Variants in PCDH15 observed in about 807,000 individuals in gnomAD.
PCDH15 encodes the protein protocadherin related 15.
A neutral mutation model predicts 178.5 loss-of-function variants in PCDH15; 129 were observed. The observed-to-expected ratio is 0.72, with a 90% CI of 0.63 to 0.84. PCDH15 has a LOEUF of 0.84. Ranked by LOEUF, PCDH15 falls within the 40% of genes least tolerant of loss-of-function variation. The pLI, the probability that PCDH15 is intolerant of heterozygous loss-of-function variation, is 0.00. For missense variants in PCDH15, 2,230 were observed against 2,099.9 expected, an observed-to-expected ratio of 1.06 and a Z score of -1.21; for synonymous variants, 800 against 732.0, an observed-to-expected ratio of 1.09 and a Z score of -1.50.
chr10:54,568,649 C>T (rs2133514645), intron 2 of PCDH15: 1 of 152,198 alleles, frequency 6.6e-6, no homozygotes, highest in Non-Finnish European at 1.5e-5. Flanking sequence ...CCACTATCTA[C>T]CCCACCCTTT....
At chr10:54,328,174 T>C (rs534861439) in intron 7 of PCDH15, among the ~76,000 whole-genome samples, 114 of 147,336 alleles carry the variant, frequency 7.7e-4, no homozygotes, top group Admixed American at 2.0e-3. Flanking sequence ...TGACATCCAC[T>C]GATCTTTATA....
intron 26 of PCDH15, among the ~76,000 whole-genome samples, chr10:53,871,873 C>T (rs1401985510): frequency 6.6e-6 from 1 of 152,116 alleles, no homozygotes; most frequent in Non-Finnish European, 1.5e-5. Context: ...CCTGCCTTAG[C>T]CTCCCCAGCA....
intron 5 of PCDH15, among the ~76,000 whole-genome samples, chr10:54,357,580 C>T (rs1945235604): frequency 6.6e-6 from 1 of 152,062 alleles, no homozygotes; most frequent in Admixed American, 6.6e-5. Flanking sequence ...TGAAAATGGC[C>T]ATACTGCCCA....
intron 3 of PCDH15, among the ~76,000 whole-genome samples, chr10:54,806,363 G>C (rs1255916000): frequency 1.3e-5 from 2 of 152,084 alleles, no homozygotes; most frequent in African/African-American, 4.8e-5. Flanking sequence ...GGGTCTCACA[G>C]GCTCTAATCA....
Position 54,611,288 on chromosome 10 carries a change from TA to T in PCDH15, c.91+52883del, listed in dbSNP as rs869175862. ...AGTAATATTGATGTTTTTATTTTTTTAAAAAAAACCTCCCTGATAATTTAAG... is the reference window on the plus strand; with the variant it reads ...AGTAATATTGATGTTTTTATTTTTTTAAAAAAACCTCCCTGATAATTTAAG... On this transcript the variant is annotated intron_variant, in intron 2 of 37. Coordinates refer to ENST00000644397, the MANE Select transcript of PCDH15 (RefSeq NM_001384140.1). 4.0e-5 allele frequency among the ~76,000 whole-genome samples: 6 copies of T among 151,694 alleles called. No homozygotes were observed. In the South Asian group the frequency reaches 8.3e-4, roughly 21 times the overall value.
intron 1 of PCDH15, among the ~76,000 whole-genome samples, chr10:55,213,159 T>G (rs1331458486): frequency 6.6e-6 from 1 of 152,120 alleles, no homozygotes; most frequent in Non-Finnish European, 1.5e-5. Context: ...CATTGTATCA[T>G]CTGGCATGGT....
chr10:54,367,496 CA>C (rs1023009228), intron 5 of PCDH15, among the ~76,000 whole-genome samples: 2 of 151,806 alleles, frequency 1.3e-5, no homozygotes, highest in Non-Finnish European at 2.9e-5. Context: ...AAGAGGGATC[CA>C]GGGGCAGTTA....
At chr10:54,684,305 A>G (rs2094955020) in intron 1 of PCDH15, among the ~76,000 whole-genome samples, 1 of 151,790 alleles carries the variant, frequency 6.6e-6, no homozygotes, top group East Asian at 1.9e-4. Flanking sequence ...TAGGTATAGA[A>G]TATTTGCTAT....
chr10:54,100,664 A>G (rs979149018), intron 15 of PCDH15, among the ~76,000 whole-genome samples: 1 of 152,146 alleles, frequency 6.6e-6, no homozygotes, highest in Non-Finnish European at 1.5e-5. Context: ...GCACAATAGA[A>G]TTCAGGCAAA....
At chr10:54,008,475 C>T (rs4935489) in intron 20 of PCDH15, among the ~76,000 whole-genome samples, 85,728 of 151,980 alleles carry the variant, frequency 0.56, 25,426 homozygotes, top group South Asian at 0.7. Flanking sequence ...ATGAGGGTTA[C>T]TTAGGGCATA....
rs542204085 is a variant in PCDH15 at position 54,490,225 on chromosome 10, C to T, written c.157+37587G>A. On this transcript the variant is annotated intron_variant, in intron 3 of 37. Transcript: ENST00000644397. ...CAGCACTTTGGGAGGCTGAGGCGGG[C>T]GAATCACGAGGTCAGGAGATCGAGA... Among the ~76,000 whole-genome samples the T allele has an allele frequency of 1.3e-4, 20 of 151,912 alleles. No individual in the cohort carries two copies. The South Asian group carries it at 3.5e-3, about 27-fold the overall frequency.
At chr10:55,341,784 TA>T (rs1844575080) in intron 2 of PCDH15, among the ~76,000 whole-genome samples, 3 of 12,146 alleles carry the variant, frequency 2.5e-4, no homozygotes, top group African/African-American at 3.7e-4. Context: ...TATATATATA[TA>T]TATATATATA....
chr10:54,043,860 T>G (rs1208624613), intron 18 of PCDH15, among the ~76,000 whole-genome samples: 1 of 152,056 alleles, frequency 6.6e-6, no homozygotes, highest in Non-Finnish European at 1.5e-5. Context: ...CATTTTTAGA[T>G]GAGAACAGTA....
chr10:54,978,840 TAC>T (rs1392057183), intron 2 of PCDH15, among the ~76,000 whole-genome samples: 1 of 152,186 alleles, frequency 6.6e-6, no homozygotes, highest in African/African-American at 2.4e-5. Context: ...CTAATTCTTC[TAC>T]ATTTCTTCCA....
intron 2 of PCDH15, among the ~76,000 whole-genome samples, chr10:54,632,436 A>G (rs1197655500): frequency 6.6e-6 from 1 of 152,156 alleles, no homozygotes; most frequent in African/African-American, 2.4e-5. Context: ...AGTTGAAAGC[A>G]TAAAACATAA....
chr10:55,338,792 CA>C (rs1316096973), intron 2 of PCDH15, among the ~76,000 whole-genome samples: 1 of 151,862 alleles, frequency 6.6e-6, no homozygotes, highest in East Asian at 1.9e-4. Context: ...CAAAACAAAA[CA>C]AAAAAACAAA....
chr10:54,637,524 C>T (rs1311101288), intron 2 of PCDH15, among the ~76,000 whole-genome samples: 1 of 151,946 alleles, frequency 6.6e-6, no homozygotes, highest in Non-Finnish European at 1.5e-5. Context: ...AATTGAGTAC[C>T]ACTCACAACA....
chr10:54,599,791 G>A, intron 2 of PCDH15: 1 of 548,422 alleles, frequency 1.8e-6, no homozygotes, highest in Non-Finnish European at 3.4e-6. Flanking sequence ...TGAAGAGGGA[G>A]GATCTGAGAA....
chr10:55,559,077 T>C lies in PCDH15; in HGVS notation c.-156+68548A>G, dbSNP rs1842143800. ...TATAACCATAGATTTCTTGTAAGCT[T>C]GCAGGTGTTATAACAGTATTTCATT... On this transcript the variant is annotated intron_variant, in intron 2 of 5. Coordinates refer to the PCDH15 transcript ENST00000613346. 1.3e-5 allele frequency among the ~76,000 whole-genome samples: 2 copies of C among 152,050 alleles called. 1 individual carries two copies. The highest frequency in any genetic ancestry group is 3.9e-4 in the East Asian group (2 of 5,166).
Sources: allele counts gnomAD v4.1 joint callset (sites outside exome capture counted in the v4.1 genomes callset), GRCh38; gene constraint gnomAD v4.1.1; transcripts MANE v1.5; gene names NCBI Gene and HGNC (gene_info 2026-07-23, HGNC 2026-07-21).